Variants in DBN1 observed in about 807,000 individuals in gnomAD.
DBN1 encodes the protein drebrin 1, also known as drebrin.
In DBN1, 21 loss-of-function variants were observed where a neutral mutation model predicts 83.5. That is an observed-to-expected ratio of 0.25 (90% CI 0.18 to 0.36). The LOEUF (loss-of-function observed/expected upper bound fraction) is 0.36. Ranked by LOEUF, DBN1 falls within the 10% of genes least tolerant of loss-of-function variation. The pLI is 1.00. For missense variants in DBN1, 874 were observed against 935.7 expected, an observed-to-expected ratio of 0.93 and a Z score of 0.86; for synonymous variants, 381 against 384.9, an observed-to-expected ratio of 0.99 and a Z score of 0.12.
rs1438348219 is a variant in DBN1 at position 177,459,603 on chromosome 5, A to G, written c.1093T>C (p.Cys365Arg). 6.5e-7 allele frequency: 1 copy of G among 1,526,944 alleles called. No homozygotes were observed. The allele number at this position is 1,526,944 out of a possible 1,614,324, so 94.6% of individuals were successfully genotyped here. The change falls in exon 11 of 15, where the codon TGC becomes CGC. Residue 365 changes from cysteine to arginine, a missense_variant and splice_region_variant. Transcript: ENST00000393565. ...RTPNLSSSLP[C>R]SHLDSHRRMA... Reference sequence around the variant, plus strand: ...GCCGAGGCCTGGGGCTGCTACCTACATGGGAGGGAGGAAGAGAGGTTTGGG... The same window carrying G: ...GCCGAGGCCTGGGGCTGCTACCTACGTGGGAGGGAGGAAGAGAGGTTTGGG...
chr5:177,457,560 G>T, intron 14 of DBN1, 57 bp from the exon 15 acceptor site: 1 of 1,570,636 alleles, frequency 6.4e-7, no homozygotes, highest in Non-Finnish European at 8.8e-7. Flanking sequence ...TGTGTCCCCA[G>T]CCTCTGTGAG....
intron 8 of DBN1, chr5:177,462,106 C>T (rs551754637): frequency 2.0e-4 from 101 of 517,600 alleles, no homozygotes; most frequent in Non-Finnish European, 2.3e-4. Flanking sequence ...TTCACCTGCC[C>T]ACTGCACACG....
Position 177,457,397 on chromosome 5 carries a change from G to A in DBN1, c.*36C>T, listed in dbSNP as rs374930581. ...TGGCCAGAGGCTGATGCAGGTGGGC[G>A]GCCTTGGCAAGGGTAGCCTAGGGCT... On this transcript the variant is annotated 3_prime_UTR_variant, in exon 15 of 15. Coordinates refer to ENST00000393565, the MANE Select transcript of DBN1 (RefSeq NM_001363541.2). 1.5e-4 allele frequency: 243 copies of A among 1,587,728 alleles called. No homozygotes were observed. Among genetic ancestry groups the A allele is most frequent in the Middle Eastern group, 5.0e-4 (3 of 6,012 alleles).
intron 8 of DBN1, among the ~76,000 whole-genome samples, chr5:177,462,962 GCT>G (rs1187091013): frequency 6.6e-6 from 1 of 152,072 alleles, no homozygotes; most frequent in Non-Finnish European, 1.5e-5. Flanking sequence ...AGCCTTTGCT[GCT>G]CTGCCCACTG....
intron 8 of DBN1, among the ~76,000 whole-genome samples, chr5:177,462,974 G>C (rs892656630): frequency 1.3e-5 from 2 of 151,948 alleles, no homozygotes; most frequent in Non-Finnish European, 2.9e-5. Flanking sequence ...TCTGCCCACT[G>C]CCTGCTGTAA....
intron 1 of DBN1, chr5:177,472,433 C>T (rs1757919383): frequency 2.9e-6 from 4 of 1,378,276 alleles, no homozygotes; most frequent in South Asian, 3.4e-5. Flanking sequence ...TTAAAGGATT[C>T]CAGGATGGGG....
chr5:177,472,875 G>A (rs980848511), intron 1 of DBN1: 52 of 985,334 alleles, frequency 5.3e-5, no homozygotes, highest in Admixed American at 1.8e-4. Context: ...GGTTTCGGGG[G>A]GAGGGCGGCC....
In DBN1 at chr5:177,467,846, A is replaced by G; in HGVS notation, c.256-29T>C. On this transcript the variant is annotated intron_variant, in intron 3 of 14. Coordinates refer to ENST00000393565, the MANE Select transcript of DBN1 (RefSeq NM_001363541.2). The surrounding 1 kb of genome is among the most constrained non-coding windows in gnomAD (Gnocchi z 9.1). ...CAAAGTACCCAGCAAAGAGGGGGTC[A>G]GGAAAGGACAAGGGGGGCCCTACAC... 1 of 1,578,120 alleles carries G rather than the reference A, an allele frequency of 6.3e-7. No homozygotes were observed. Among genetic ancestry groups the G allele is most frequent in the Non-Finnish European group, 8.6e-7 (1 of 1,162,244 alleles).
intron 1 of DBN1, chr5:177,472,893 AGAGGCCCCCCGGTGGGCGGGGCGCCCGG>A: frequency 1.0e-6 from 1 of 974,256 alleles, no homozygotes; most frequent in Non-Finnish European, 1.2e-6. Context: ...GCCCACTCCG[AGAGGCCCCCCGGTGGGCGGGGCGCCCGG>A]CCCCCAGCCC....
chr5:177,472,729 G>C (rs1757940772), intron 1 of DBN1: 1 of 955,692 alleles, frequency 1.0e-6, no homozygotes, highest in South Asian at 3.9e-5. Context: ...CCCCAGCCCA[G>C]CTGCCTAGTC....
In DBN1 at chr5:177,458,352, C is replaced by G. The variant is rs758431952; in HGVS notation, c.1620G>C (p.Arg540Ser). 6.2e-7 allele frequency: 1 copy of G among 1,613,470 alleles called. No homozygotes were observed. Among genetic ancestry groups the G allele is most frequent in the South Asian group, 1.1e-5 (1 of 91,036 alleles). ...CAGTACCCGAGGGTGGCGTGGGGGC[C>G]CTGGGCTCACCCTGGAGTGTGGAGG... ...EGASTLQGEP[R>S]APTPPSGTEV... The change falls in exon 13 of 15, where the codon AGG (arginine) becomes AGC (serine). Residue 540 changes from arginine (R) to serine (S), a missense_variant. Coordinates refer to ENST00000393565, the MANE Select transcript of DBN1 (RefSeq NM_001363541.2).
At position 177,457,371 on chromosome 5, in the gene DBN1, C is replaced by T; in HGVS notation, c.*62G>A. 3 of 1,448,384 alleles carry T rather than the reference C, an allele frequency of 2.1e-6. No individual in the cohort carries two copies. Among genetic ancestry groups the T allele is most frequent in the Non-Finnish European group, 2.9e-6 (3 of 1,030,246 alleles). The allele number at this position is 1,448,384 out of a possible 1,614,324, so 89.7% of individuals were successfully genotyped here. A position where few individuals can be genotyped will look rare whatever the true frequency, so the allele number is the denominator to read the frequency against. On this transcript the variant is annotated 3_prime_UTR_variant, in exon 15 of 15. Coordinates refer to ENST00000393565, the MANE Select transcript of DBN1 (RefSeq NM_001363541.2). ...TGCGAATGCAGGCACGGCGGGCCGT[C>T]TGGCCAGAGGCTGATGCAGGTGGGC...
At chr5:177,468,979 G>T in intron 1 of DBN1, 80 bp from the exon 2 acceptor site, 1 of 832,136 alleles carries the variant, frequency 1.2e-6, no homozygotes, top group Non-Finnish European at 1.7e-6. Flanking sequence ...TGGGGAGGGA[G>T]AGGGACATGG....
At chr5:177,462,116 G>A (rs335465) in intron 8 of DBN1, 20,559 of 625,508 alleles carry the variant, frequency 0.033, 1,000 homozygotes, top group African/African-American at 0.18. Flanking sequence ...CACTGCACAC[G>A]TTGTTTTGGG....
Position 177,467,715 on chromosome 5 carries a change from C to A in DBN1, c.330+28G>T. ...GCAGACCCTGGTGGCTGTCCCCACCCCCAAGAGCGCTGGCCCCTGACACGC... is the reference window on the plus strand; with the variant it reads ...GCAGACCCTGGTGGCTGTCCCCACCACCAAGAGCGCTGGCCCCTGACACGC... On this transcript the variant is annotated intron_variant, in intron 4 of 14. Coordinates refer to ENST00000393565, the MANE Select transcript of DBN1 (RefSeq NM_001363541.2). The surrounding 1 kb of genome is among the most constrained non-coding windows in gnomAD (Gnocchi z 9.1). 1 of 1,552,378 alleles carries A rather than the reference C, an allele frequency of 6.4e-7. No homozygotes were observed. The highest frequency in any genetic ancestry group is 2.4e-5 in the East Asian group (1 of 41,034).
chr5:177,457,927 G>A (rs777107447), intron 13 of DBN1, 131 bp downstream of exon 13: 2 of 846,610 alleles, frequency 2.4e-6, no homozygotes, highest in South Asian at 2.7e-5. Context: ...GGGAGGGTGG[G>A]ATGGACTTCC....
chr5:177,468,277 A>T (rs1420628468), intron 2 of DBN1, 57 bp from the exon 3 acceptor site: 1 of 1,502,528 alleles, frequency 6.7e-7, no homozygotes, highest in African/African-American at 1.4e-5. Context: ...TCCCAAAAAG[A>T]GCCTGGAACT....
rs1455188772 is a variant in DBN1 at position 177,473,537 on chromosome 5, G to A, written c.-16C>T. 1.4e-6 allele frequency: 2 copies of A among 1,383,102 alleles called. No individual in the cohort carries two copies. The highest frequency in any genetic ancestry group is 2.0e-4 in the Middle Eastern group (1 of 5,092). The allele number at this position is 1,383,102 out of a possible 1,614,324, so 85.7% of individuals were successfully genotyped here. On this transcript the variant is annotated 5_prime_UTR_variant, in exon 1 of 15. Transcript: ENST00000393565. The stretch of plus-strand genomic sequence containing the variant: ...CGCCGGCCATGCTTCGGGCCGGACC[G>A]GGCCGAACGGACAGACGCGCGGACG...
rs561252660 is a variant in DBN1 at position 177,467,544 on chromosome 5, C to A, written c.414G>T (p.Ala138=). The part of the protein sequence containing the change: ...AIGQRLSNGL[A]RLSSPVLHRL... The stretch of plus-strand genomic sequence containing the variant: ...GGTGCAGCACAGGGCTGGAGAGTCG[C>A]GCCAGCCCGTTAGAGAGCCGCTGCC... Residue 138 remains alanine, a synonymous_variant, in exon 5 of 15, where the codon GCG becomes GCT. Transcript: ENST00000393565. This position sits in a 1 kb window ranked among gnomAD's most constrained non-coding sequence, Gnocchi z 9.1. 4 of 1,565,394 alleles carry A rather than the reference C, an allele frequency of 2.6e-6. No individual in the cohort carries two copies. Among genetic ancestry groups the A allele is most frequent in the Non-Finnish European group, 2.6e-6 (3 of 1,155,078 alleles).
Sources: allele counts gnomAD v4.1 joint callset (sites outside exome capture counted in the v4.1 genomes callset), GRCh38; gene constraint gnomAD v4.1.1; non-coding constraint Gnocchi (gnomAD v3.1); transcripts MANE v1.5; gene names NCBI Gene and HGNC (gene_info 2026-07-23, HGNC 2026-07-21).